The following RAPGEF4 variants were observed in gnomAD, a reference collection of about 807,000 sequenced individuals.
The protein encoded by RAPGEF4 is Rap guanine nucleotide exchange factor 4, also known as RAP guanine-nucleotide-exchange factor (GEF) 4.
In RAPGEF4, 66 loss-of-function variants were observed where a neutral mutation model predicts 147.9. That is an observed-to-expected ratio of 0.45 (90% CI 0.37 to 0.55). RAPGEF4 has a LOEUF of 0.55. RAPGEF4 is among the 20% of genes least tolerant of loss of function. RAPGEF4 has a pLI of 0.00. For synonymous variants in RAPGEF4, 419 were observed against 442.7 expected (o/e 0.95, Z 0.67); for missense variants, 1,071 against 1,257.3 (o/e 0.85, Z 2.24).
chr2:172,913,475 C>T lies in RAPGEF4; in HGVS notation c.445-4327C>T, dbSNP rs373287865. ...GCCTCATCTGCGAATACTTGAATGA[C>T]AAAAGTGACTTGAGTGGCTGGAGGT... is the stretch of plus-strand genomic sequence containing the variant. On this transcript the variant is annotated intron_variant, in intron 4 of 30. Coordinates refer to ENST00000397081, the MANE Select transcript of RAPGEF4 (RefSeq NM_007023.4). 1.9e-3 allele frequency among the ~76,000 whole-genome samples: 295 copies of T among 152,312 alleles called. 1 individual carries two copies. Among genetic ancestry groups the T allele is most frequent in the African/African-American group, 6.5e-3 (270 of 41,574 alleles).
chr2:172,919,431 C>T (rs1489814349), intron 5 of RAPGEF4, among the ~76,000 whole-genome samples: 1 of 152,144 alleles, frequency 6.6e-6, no homozygotes, highest in African/African-American at 2.4e-5. Flanking sequence ...TGCCCACGTC[C>T]AGACTCCATT....
intron 2 of RAPGEF4, among the ~76,000 whole-genome samples, chr2:172,795,715 A>C (rs901239558): frequency 2.0e-5 from 3 of 152,218 alleles, no homozygotes; most frequent in African/African-American, 7.2e-5. Context: ...TGGAATATTC[A>C]ATGACTTATA....
chr2:173,004,527 A>G (rs1694252112), intron 17 of RAPGEF4, among the ~76,000 whole-genome samples: 1 of 152,088 alleles, frequency 6.6e-6, no homozygotes, highest in Admixed American at 6.5e-5. Context: ...ATATAGATAT[A>G]TGTTTTTAAA....
intron 1 of RAPGEF4, among the ~76,000 whole-genome samples, chr2:172,789,566 G>A (rs1182488170): frequency 6.6e-6 from 1 of 152,156 alleles, no homozygotes; most frequent in Non-Finnish European, 1.5e-5. Flanking sequence ...GATCTCTAGA[G>A]CTTATTCATC....
chr2:172,798,808 T>A (rs982401914), intron 3 of RAPGEF4, among the ~76,000 whole-genome samples: 1 of 152,192 alleles, frequency 6.6e-6, no homozygotes, highest in African/African-American at 2.4e-5. Context: ...CATTTGGAAT[T>A]TGCGATGTAG....
In RAPGEF4 at chr2:172,988,221, C is replaced by T; in HGVS notation, c.1176C>T (p.Thr392=). The T allele has an allele frequency of 6.2e-7, 1 of 1,610,284 alleles. No homozygotes were observed. The highest frequency in any genetic ancestry group is 8.5e-7 in the Non-Finnish European group (1 of 1,179,008). ...TVLFNQGEEG[T]SWYIILKGSV... Reference sequence around the variant, plus strand: ...TGTTTAACCAGGGGGAAGAAGGTACCTCCTGGTACATTATTCTAAAAGGAT... The same window carrying T: ...TGTTTAACCAGGGGGAAGAAGGTACTTCCTGGTACATTATTCTAAAAGGAT... Residue 392 remains threonine (T), a synonymous_variant, in exon 13 of 31, where the codon ACC becomes ACT. Transcript: ENST00000397081.
intron 4 of RAPGEF4, among the ~76,000 whole-genome samples, chr2:172,818,924 TA>T: frequency 6.6e-6 from 1 of 152,238 alleles, no homozygotes; most frequent in Non-Finnish European, 1.5e-5. Flanking sequence ...TCTTGCTTTA[TA>T]TTGTCTATTC....
chr2:172,949,913 C>T (rs191960050), intron 6 of RAPGEF4, among the ~76,000 whole-genome samples: 4 of 152,284 alleles, frequency 2.6e-5, no homozygotes, highest in Admixed American at 2.0e-4. Flanking sequence ...CTACTGTATG[C>T]CCAATGGGCT....
chr2:172,770,394 C>T (rs972014917), intron 1 of RAPGEF4, among the ~76,000 whole-genome samples: 2 of 152,168 alleles, frequency 1.3e-5, no homozygotes, highest in African/African-American at 4.8e-5. Context: ...TCAGTTTCCC[C>T]ATCAGCAGGG....
intron 4 of RAPGEF4, among the ~76,000 whole-genome samples, chr2:172,882,992 A>G (rs1696789605): frequency 6.6e-6 from 1 of 152,124 alleles, no homozygotes; most frequent in Admixed American, 6.6e-5. Flanking sequence ...TTCATTTCCA[A>G]TTATCCACTG....
At chr2:172,921,808 A>G (rs1684792534) in intron 5 of RAPGEF4, among the ~76,000 whole-genome samples, 1 of 152,244 alleles carries the variant, frequency 6.6e-6, no homozygotes, top group East Asian at 1.9e-4. Context: ...TGCTTTGCTC[A>G]CAATGGAAGT....
chr2:173,026,598 A>C lies in RAPGEF4; in HGVS notation c.2280A>C (p.Pro760=). 1.2e-6 allele frequency: 2 copies of C among 1,613,596 alleles called. No individual in the cohort carries two copies. The highest frequency in any genetic ancestry group is 8.5e-7 in the Non-Finnish European group (1 of 1,179,562). ...SLTPLPEQEG[P]TVGTVGTFEL... ...CTCCCTTACCAGAACAGGAAGGCCC[A>C]ACTGTTGGAACAGTGGGAACTTTTG... is the stretch of plus-strand genomic sequence containing the variant. The change falls in exon 24 of 31, where the codon CCA becomes CCC. Residue 760 remains proline (P), a synonymous_variant. Coordinates refer to ENST00000397081, the MANE Select transcript of RAPGEF4 (RefSeq NM_007023.4).
At chr2:172,855,387 T>C (rs1693299908) in intron 4 of RAPGEF4, among the ~76,000 whole-genome samples, 1 of 152,218 alleles carries the variant, frequency 6.6e-6, no homozygotes, top group Non-Finnish European at 1.5e-5. Context: ...ATCTGTGTTA[T>C]AAACTCCAAA....
intron 26 of RAPGEF4, among the ~76,000 whole-genome samples, chr2:173,030,818 C>G (rs564308872): frequency 6.6e-6 from 1 of 152,222 alleles, no homozygotes; most frequent in African/African-American, 2.4e-5. Context: ...AAAAGTGAGG[C>G]AGGTGTGTTG....
In RAPGEF4 at chr2:172,992,755, G is replaced by A. The variant is rs145922078; in HGVS notation, c.1490+1830G>A. 2.3e-3 allele frequency among the ~76,000 whole-genome samples: 349 copies of A among 152,088 alleles called. 9 individuals carry two copies. In the South Asian group the frequency reaches 0.054, roughly 23 times the overall value. ...CTGTATTCCAATCCAAATTTCTTCC[G>A]CAATTCAAAAACTTATGCATGTTCA... On this transcript the variant is annotated intron_variant, in intron 15 of 30. Coordinates refer to ENST00000397081, the MANE Select transcript of RAPGEF4 (RefSeq NM_007023.4).
At chr2:173,017,593 T>C in intron 21 of RAPGEF4, 89 bp downstream of exon 21, 1 of 1,265,064 alleles carries the variant, frequency 7.9e-7, no homozygotes, top group African/African-American at 1.5e-5. Context: ...CAGAATAGCT[T>C]CTTTTGAAGA....
At chr2:172,791,815 C>G (rs1348323235) in intron 1 of RAPGEF4, among the ~76,000 whole-genome samples, 2 of 152,204 alleles carry the variant, frequency 1.3e-5, no homozygotes, top group African/African-American at 4.8e-5. Flanking sequence ...GAAGTACCTA[C>G]ATTTTTCTTC....
intron 4 of RAPGEF4, among the ~76,000 whole-genome samples, chr2:172,880,471 G>C (rs1696494386): frequency 6.6e-6 from 1 of 152,116 alleles, no homozygotes. Context: ...ACAGTGCCTG[G>C]TATATAGGAA....
chr2:172,892,437 C>A (rs1698029487), intron 4 of RAPGEF4, among the ~76,000 whole-genome samples: 1 of 152,218 alleles, frequency 6.6e-6, no homozygotes, highest in African/African-American at 2.4e-5. Flanking sequence ...CACATCAACA[C>A]CCCTCCCTAG....
Sources: allele counts gnomAD v4.1 joint callset (sites outside exome capture counted in the v4.1 genomes callset), GRCh38; gene constraint gnomAD v4.1.1; transcripts MANE v1.5; gene names NCBI Gene and HGNC (gene_info 2026-07-23, HGNC 2026-07-21).